SATB2: variants seen among roughly 807,000 people sequenced by gnomAD.
The protein encoded by SATB2 is SATB homeobox 2.
In SATB2, 1 loss-of-function variant was observed where a neutral mutation model predicts 73.4. The ratio of observed to expected loss-of-function variants is 0.01; its 90% CI spans 0.00 to 0.06. The LOEUF (loss-of-function observed/expected upper bound fraction) is 0.06. Ranked by LOEUF, SATB2 falls within the 10% of genes least tolerant of loss-of-function variation. The pLI is 1.00. For missense variants in SATB2, 459 were observed against 945.8 expected, an observed-to-expected ratio of 0.49 and a Z score of 6.75; for synonymous variants, 397 against 367.0, an observed-to-expected ratio of 1.08 and a Z score of -0.93.
chr2:199,282,823 T>G (rs1225874040), intron 10 of SATB2, among the ~76,000 whole-genome samples: 1 of 152,210 alleles, frequency 6.6e-6, no homozygotes, highest in Non-Finnish European at 1.5e-5. Context: ...TTCTTATTTC[T>G]TTCACTCAAA....
chr2:199,354,318 T>C (rs1160163436), intron 6 of SATB2, among the ~76,000 whole-genome samples: 2 of 152,294 alleles, frequency 1.3e-5, no homozygotes, highest in East Asian at 3.9e-4. Flanking sequence ...ATTGTGCCAC[T>C]GCACTCCAGC....
rs1197844648 is a variant in SATB2 at position 199,272,317 on chromosome 2, T to C, written c.2096A>G (p.Glu699Gly). The change falls in exon 11 of 11, where the codon GAG becomes GGG. Residue 699 changes from glutamate (E) to glycine (G), a missense_variant. This residue lies in a region of SATB2 where 4 missense variants were observed against 19.0 expected (regional missense o/e 0.21). Coordinates refer to ENST00000417098, the MANE Select transcript of SATB2 (RefSeq NM_001172509.2). The surrounding 1 kb of genome is among the most constrained non-coding windows in gnomAD (Gnocchi z 6.7). ...GGAGCCTTCCTCGCTGTCGTTCTCC[T>C]CTGACTCGGTCAGCAGCTCCTCGTC... Reference protein sequence around the residue: ...YKDEELLTESEENDSEEGSEE... With the variant: ...YKDEELLTESGENDSEEGSEE... 1 of 1,614,086 alleles carries C rather than the reference T, an allele frequency of 6.2e-7. No homozygotes were observed. The highest frequency in any genetic ancestry group is 8.5e-7 in the Non-Finnish European group (1 of 1,180,040).
At chr2:199,415,276 T>G (rs898796064) in intron 3 of SATB2, among the ~76,000 whole-genome samples, 1 of 152,218 alleles carries the variant, frequency 6.6e-6, no homozygotes, top group African/African-American at 2.4e-5. Context: ...ATCTGACCAG[T>G]GGCCATGGTC....
intron 3 of SATB2, among the ~76,000 whole-genome samples, chr2:199,392,543 C>T (rs999813755): frequency 1.3e-5 from 2 of 152,098 alleles, no homozygotes; most frequent in South Asian, 2.1e-4. Context: ...CTGGCTACAG[C>T]CCCATAAAAT....
chr2:199,384,543 A>G (rs985164240), intron 3 of SATB2, among the ~76,000 whole-genome samples: 4 of 152,246 alleles, frequency 2.6e-5, no homozygotes, highest in Non-Finnish European at 5.9e-5. Context: ...TCTTTAGAAC[A>G]GTCCTCCTTC....
chr2:199,430,767 C>G (rs1691479084), intron 3 of SATB2, among the ~76,000 whole-genome samples: 1 of 152,166 alleles, frequency 6.6e-6, no homozygotes, highest in Non-Finnish European at 1.5e-5. Context: ...GATCATGGAC[C>G]TGCTGCCCTG....
intron 2 of SATB2, among the ~76,000 whole-genome samples, chr2:199,438,802 C>T (rs1691725262): frequency 6.6e-6 from 1 of 152,354 alleles, no homozygotes; most frequent in Non-Finnish European, 1.5e-5. Flanking sequence ...TATCTTCTCA[C>T]ATTTACTCTG....
chr2:199,450,701 A>G (rs1049205426), intron 2 of SATB2, among the ~76,000 whole-genome samples: 2 of 152,066 alleles, frequency 1.3e-5, no homozygotes, highest in African/African-American at 4.8e-5. Flanking sequence ...TTTTAAATAT[A>G]TACACATATG....
intron 9 of SATB2, among the ~76,000 whole-genome samples, chr2:199,317,883 A>G (rs1687778373): frequency 6.6e-6 from 1 of 152,042 alleles, no homozygotes; most frequent in African/African-American, 2.4e-5. Context: ...GAATCTGAGA[A>G]ATTTCTTCAC....
At chr2:199,398,795 A>G (rs1690379992) in intron 3 of SATB2, among the ~76,000 whole-genome samples, 1 of 152,260 alleles carries the variant, frequency 6.6e-6, no homozygotes, top group African/African-American at 2.4e-5. Context: ...TTAGAATCTT[A>G]GAAGATTCAC....
chr2:199,380,751 G>T (rs1315754769), intron 4 of SATB2, among the ~76,000 whole-genome samples: 1 of 152,104 alleles, frequency 6.6e-6, no homozygotes. Context: ...TATAAAATAT[G>T]ATTTTTCCAA....
intron 1 of SATB2, among the ~76,000 whole-genome samples, chr2:199,456,688 C>T (rs1443167879): frequency 6.6e-6 from 1 of 152,190 alleles, no homozygotes; most frequent in Non-Finnish European, 1.5e-5. Context: ...CATTAATAAG[C>T]ATCCGAAAAC....
chr2:199,295,439 T>C (rs1328734554), intron 10 of SATB2, among the ~76,000 whole-genome samples: 8 of 151,676 alleles, frequency 5.3e-5, no homozygotes, highest in Non-Finnish European at 8.8e-5. Context: ...AAAGCCCCAA[T>C]TGGATAATCC....
At chr2:199,372,080 ATATTC>A (rs1439348121) in intron 5 of SATB2, among the ~76,000 whole-genome samples, 1 of 152,208 alleles carries the variant, frequency 6.6e-6, no homozygotes, top group Non-Finnish European at 1.5e-5. Context: ...GAATAATATT[ATATTC>A]TAAGATAAAT....
At chr2:199,421,511 CA>C (rs1366723984) in intron 3 of SATB2, among the ~76,000 whole-genome samples, 1 of 152,104 alleles carries the variant, frequency 6.6e-6, no homozygotes, top group Non-Finnish European at 1.5e-5. Flanking sequence ...CTGCACACAG[CA>C]AAAAACAGAG....
intron 2 of SATB2, among the ~76,000 whole-genome samples, chr2:199,450,383 A>G (rs1048516030): frequency 6.6e-6 from 1 of 152,128 alleles, no homozygotes. Context: ...CTCAGTATTC[A>G]TGTAAGGAAG....
chr2:199,272,625 G>T lies in SATB2; in HGVS notation c.1788C>A (p.Pro596=). The part of the protein sequence containing the change: ...QSQPAKESSP[P]REEAPPPPPP... The stretch of plus-strand genomic sequence containing the variant: ...GAGGTGGGGGAGGCGCTTCTTCTCT[G>T]GGAGGGGAACTCTCCTTGGCTGGCT... The change falls in exon 11 of 11, where the codon CCC becomes CCA. Residue 596 remains proline, a synonymous_variant. Transcript: ENST00000417098. The surrounding 1 kb of genome is among the most constrained non-coding windows in gnomAD (Gnocchi z 6.7). 6.2e-7 allele frequency: 1 copy of T among 1,614,082 alleles called. No homozygotes were observed. The highest frequency in any genetic ancestry group is 8.5e-7 in the Non-Finnish European group (1 of 1,179,990).
intron 3 of SATB2, among the ~76,000 whole-genome samples, chr2:199,417,937 A>G (rs1366060678): frequency 6.6e-6 from 1 of 152,194 alleles, no homozygotes; most frequent in Non-Finnish European, 1.5e-5. Context: ...CCTTAAGAAA[A>G]TTTAAGATTG....
chr2:199,368,610 A>G lies in SATB2; in HGVS notation c.695T>C (p.Ile232Thr), dbSNP rs773467832. 4 of 1,590,500 alleles carry G rather than the reference A, an allele frequency of 2.5e-6. No homozygotes were observed. In the Admixed American group the frequency reaches 6.7e-5, roughly 27 times the overall value. ...FGRWYKKYKK[I>T]KVERVERENL... ...AAACAAAAAAGTCAGTTTACCTTTA[A>G]TCTTCTTGTACTTTTTATACCATCT... is the stretch of plus-strand genomic sequence containing the variant. The change falls in exon 6 of 11, where the codon ATT becomes ACT. Residue 232 changes from isoleucine (I) to threonine (T), a missense_variant. Physicochemically the swap from Ile to Thr is moderately conservative, Grantham distance 89. Transcript: ENST00000417098.
Sources: gnomAD v4.1 joint callset for allele counts (sites outside exome capture counted in the v4.1 genomes callset) on GRCh38, gnomAD v4.1.1 for gene constraint, gnomAD v4.1.1 regional missense constraint, Gnocchi (gnomAD v3.1) non-coding constraint, MANE v1.5 for transcripts, NCBI Gene and HGNC (gene_info 2026-07-23, HGNC 2026-07-21) for gene names.